The following PAIP2B variants were observed in gnomAD, a reference collection of about 807,000 sequenced individuals.
PAIP2B encodes poly(A) binding protein interacting protein 2B.
PAIP2B carries 13 observed loss-of-function variants against 17.0 expected under a neutral mutation model. The observed-to-expected ratio is 0.76, with a 90% confidence interval of 0.50 to 1.22. PAIP2B has a LOEUF of 1.22. PAIP2B is among the 50% of genes most tolerant of loss of function. The probability of loss-of-function intolerance (pLI) is 0.00; values close to 1 mark genes in which losing one functional copy is unlikely to be tolerated. For synonymous variants in PAIP2B, 43 were observed against 48.7 expected (o/e 0.88, Z 0.48); for missense variants, 117 against 144.5 (o/e 0.81, Z 0.98).
chr2:71,184,316 G>C lies in PAIP2B; in HGVS notation c.*4163C>G, dbSNP rs1674476212. ...TTTCTCTCCTGTCCCCTGGGACTGG[G>C]GAAGGTGAATCTCCTGCCTGACACC... On this transcript the variant is annotated 3_prime_UTR_variant, in exon 4 of 4. Coordinates refer to ENST00000244221, the MANE Select transcript of PAIP2B (RefSeq NM_020459.1). The C allele has an allele frequency of 6.6e-6, 1 of 152,232 alleles. No individual in the cohort carries two copies. Among genetic ancestry groups the C allele is most frequent in the South Asian group, 2.1e-4 (1 of 4,814 alleles). 9.4% of individuals were successfully genotyped at this position (152,232 alleles called of 1,614,324 possible).
At chr2:71,221,222 T>C (rs1471768708) in intron 1 of PAIP2B, among the ~76,000 whole-genome samples, 4 of 152,228 alleles carry the variant, frequency 2.6e-5, no homozygotes, top group Non-Finnish European at 5.9e-5. Context: ...TCTAGATGAT[T>C]TTTAATTTTT....
intron 1 of PAIP2B, among the ~76,000 whole-genome samples, chr2:71,219,377 G>A (rs1476651123): frequency 6.6e-6 from 1 of 151,930 alleles, no homozygotes; most frequent in East Asian, 1.9e-4. Flanking sequence ...AGGCTAGAGA[G>A]CTTGACTCCT....
At chr2:71,209,078 A>G (rs919354771) in intron 1 of PAIP2B, among the ~76,000 whole-genome samples, 3 of 152,224 alleles carry the variant, frequency 2.0e-5, no homozygotes, top group Admixed American at 1.3e-4. Context: ...AAGTAGGAAG[A>G]AGACTGAGAA....
intron 2 of PAIP2B, among the ~76,000 whole-genome samples, chr2:71,198,531 C>G (rs1330025400): frequency 6.6e-6 from 1 of 152,064 alleles, no homozygotes; most frequent in Non-Finnish European, 1.5e-5. Context: ...GTGATCCGCC[C>G]ACCTCGGCCT....
At chr2:71,219,556 C>G (rs886091077) in intron 1 of PAIP2B, among the ~76,000 whole-genome samples, 5 of 152,098 alleles carry the variant, frequency 3.3e-5, no homozygotes, top group Non-Finnish European at 5.9e-5. Context: ...GGCTGATTCC[C>G]CACCTTCCTG....
chr2:71,191,777 A>C (rs1031743787), intron 2 of PAIP2B, among the ~76,000 whole-genome samples: 6 of 152,186 alleles, frequency 3.9e-5, no homozygotes, highest in Admixed American at 2.0e-4. Flanking sequence ...CGCAGCTGAT[A>C]TATGCCCTGG....
intron 1 of PAIP2B, among the ~76,000 whole-genome samples, chr2:71,225,788 C>T (rs1675706112): frequency 6.6e-6 from 1 of 152,064 alleles, no homozygotes; most frequent in Admixed American, 6.5e-5. Flanking sequence ...TGGCTAGAAC[C>T]GACATTACTA....
At chr2:71,189,258 C>G (rs961805542) in intron 3 of PAIP2B, among the ~76,000 whole-genome samples, 2 of 152,174 alleles carry the variant, frequency 1.3e-5, no homozygotes, top group African/African-American at 4.8e-5. Context: ...GGTGATCCAC[C>G]CGCCTCAGCC....
intron 1 of PAIP2B, among the ~76,000 whole-genome samples, chr2:71,211,787 A>G (rs1247429230): frequency 6.6e-6 from 1 of 152,184 alleles, no homozygotes; most frequent in Non-Finnish European, 1.5e-5. Flanking sequence ...GTTCTGTGAT[A>G]TTACTATCAT....
intron 1 of PAIP2B, among the ~76,000 whole-genome samples, chr2:71,207,545 T>C (rs542374654): frequency 1.3e-4 from 20 of 152,036 alleles, no homozygotes; most frequent in Non-Finnish European, 2.6e-4. Context: ...TCGACATATT[T>C]TGAGATCACT....
intron 1 of PAIP2B, among the ~76,000 whole-genome samples, chr2:71,211,184 G>A (rs1315481048): frequency 1.3e-5 from 2 of 151,922 alleles, no homozygotes; most frequent in Non-Finnish European, 2.9e-5. Context: ...GCTTGAACCC[G>A]GGAGGCAGAG....
chr2:71,213,928 T>A (rs1675364433), intron 1 of PAIP2B, among the ~76,000 whole-genome samples: 2 of 152,206 alleles, frequency 1.3e-5, no homozygotes, highest in South Asian at 4.1e-4. Flanking sequence ...TCTCTTTTAA[T>A]CTTCATAACA....
At chr2:71,217,643 G>A (rs769404832) in intron 1 of PAIP2B, among the ~76,000 whole-genome samples, 1 of 152,178 alleles carries the variant, frequency 6.6e-6, no homozygotes. Flanking sequence ...CAAAGATGCA[G>A]AACTAAACAG....
intron 1 of PAIP2B, among the ~76,000 whole-genome samples, chr2:71,219,082 A>ATTTTTTTTTT (rs568552077): frequency 9.3e-4 from 106 of 113,912 alleles, no homozygotes; most frequent in East Asian, 6.3e-3. Flanking sequence ...CGCCTAGCTA[A>ATTTTTTTTTT]TTTTTTTTTT....
Position 71,188,201 on chromosome 2 carries a change from G to T in PAIP2B, c.*278C>A. On this transcript the variant is annotated 3_prime_UTR_variant, in exon 4 of 4. Coordinates refer to ENST00000244221, the MANE Select transcript of PAIP2B (RefSeq NM_020459.1). ...CACACCGCGGAACACTTCTGATGAA[G>T]GGGGGAAAATGCAATTTCCTTAACT... The T allele has an allele frequency of 2.2e-6, 1 of 456,776 alleles. No homozygotes were observed. The highest frequency in any genetic ancestry group is 3.9e-5 in the Admixed American group (1 of 25,670). The allele number at this position is 456,776 out of a possible 1,614,324, so 28.3% of individuals were successfully genotyped here. A position where few individuals can be genotyped will look rare whatever the true frequency, so the allele number is the denominator to read the frequency against.
At chr2:71,199,763 T>A (rs1674932033) in intron 2 of PAIP2B, among the ~76,000 whole-genome samples, 1 of 152,150 alleles carries the variant, frequency 6.6e-6, no homozygotes. Flanking sequence ...CTGTGACACA[T>A]GCCTGTAGTC....
chr2:71,195,719 A>G (rs1247553386), intron 2 of PAIP2B, among the ~76,000 whole-genome samples: 1 of 152,154 alleles, frequency 6.6e-6, no homozygotes, highest in African/African-American at 2.4e-5. Flanking sequence ...GCTCCCTGCA[A>G]CATCTGCCTC....
intron 2 of PAIP2B, among the ~76,000 whole-genome samples, chr2:71,191,694 AG>A (rs1240469575): frequency 2.0e-5 from 3 of 152,342 alleles, no homozygotes; most frequent in African/African-American, 7.2e-5. Flanking sequence ...CTTGGTTAAA[AG>A]AAGACCCCTT....
rs761487294 is a variant in PAIP2B, at chr2:71,188,436, C to T, written c.*43G>A. On this transcript the variant is annotated 3_prime_UTR_variant, in exon 4 of 4. Coordinates refer to ENST00000244221, the MANE Select transcript of PAIP2B (RefSeq NM_020459.1). ...TCCACCATTTTGTGCATTACTATCC[C>T]CAGATGTGGGGACAGACAAGTCTTC... The T allele has an allele frequency of 5.1e-6, 8 of 1,554,754 alleles. No homozygotes were observed. In the East Asian group the frequency reaches 9.1e-5, roughly 18 times the overall value.
Sources: allele counts gnomAD v4.1 joint callset (sites outside exome capture counted in the v4.1 genomes callset), GRCh38; gene constraint gnomAD v4.1.1; transcripts MANE v1.5; gene names NCBI Gene and HGNC (gene_info 2026-07-23, HGNC 2026-07-21).